PCDH15: variants seen among roughly 807,000 people sequenced by gnomAD.
PCDH15 encodes protocadherin related 15, also known as protocadherin-15.
Under a neutral mutation model 178.5 loss-of-function variants are expected in PCDH15, and 129 were observed. The observed-to-expected ratio is 0.72, with a 90% CI of 0.63 to 0.84. The LOEUF (loss-of-function observed/expected upper bound fraction) is 0.84. PCDH15 is among the 40% of genes least tolerant of loss of function. The pLI is 0.00. For missense variants in PCDH15, 2,230 were observed against 2,099.9 expected (o/e 1.06, Z -1.21); for synonymous variants, 800 against 732.0 (o/e 1.09, Z -1.50).
chr10:54,664,345 G>A, intron 1 of PCDH15, 55 bp from the exon 2 acceptor site: 1 of 1,104,692 alleles, frequency 9.1e-7, no homozygotes, highest in Non-Finnish European at 1.3e-6. Flanking sequence ...ATCTGTTATA[G>A]GTAAACACAA....
intron 3 of PCDH15, among the ~76,000 whole-genome samples, chr10:54,882,053 T>C (rs1250838722): frequency 6.6e-6 from 1 of 152,104 alleles, no homozygotes; most frequent in Non-Finnish European, 1.5e-5. Flanking sequence ...CCTAAGACTG[T>C]TCATTTGATG....
intron 2 of PCDH15, among the ~76,000 whole-genome samples, chr10:55,475,133 C>A (rs947442294): frequency 1.3e-5 from 2 of 151,938 alleles, no homozygotes; most frequent in Non-Finnish European, 2.9e-5. Context: ...GAGGGAGGTA[C>A]CAGGCTCTTT....
chr10:54,227,867 A>G (rs1007115641), intron 9 of PCDH15, among the ~76,000 whole-genome samples: 3 of 152,192 alleles, frequency 2.0e-5, no homozygotes, highest in Non-Finnish European at 2.9e-5. Flanking sequence ...TCTTTTTGCT[A>G]AAACATAACA....
At chr10:53,862,128 A>C (rs142174369) in intron 27 of PCDH15, among the ~76,000 whole-genome samples, 8 of 151,964 alleles carry the variant, frequency 5.3e-5, no homozygotes, top group Non-Finnish European at 8.8e-5. Context: ...CTCAGCTCAC[A>C]GAAACCTCTG....
intron 2 of PCDH15, among the ~76,000 whole-genome samples, chr10:55,166,047 T>C (rs1021172638): frequency 3.9e-5 from 6 of 152,144 alleles, no homozygotes; most frequent in African/African-American, 7.2e-5. Flanking sequence ...TAAAAGCTAT[T>C]TCTTCTGTAA....
intron 2 of PCDH15, among the ~76,000 whole-genome samples, chr10:54,974,639 T>C (rs891524015): frequency 2.6e-5 from 4 of 152,090 alleles, no homozygotes; most frequent in Admixed American, 2.0e-4. Context: ...AATGAAATGA[T>C]TCTTTTGATC....
At chr10:54,759,006 T>C (rs1947524339) in intron 1 of PCDH15, among the ~76,000 whole-genome samples, 1 of 152,148 alleles carries the variant, frequency 6.6e-6, no homozygotes, top group Non-Finnish European at 1.5e-5. Context: ...CTATGGCATG[T>C]GACCTTGGGC....
intron 2 of PCDH15, among the ~76,000 whole-genome samples, chr10:55,143,365 T>C (rs1332444073): frequency 6.6e-6 from 1 of 152,140 alleles, no homozygotes; most frequent in Non-Finnish European, 1.5e-5. Context: ...TTCACAGTTT[T>C]TGAGAAATAG....
intron 2 of PCDH15, among the ~76,000 whole-genome samples, chr10:55,604,436 A>C (rs1236469027): frequency 1.3e-5 from 2 of 151,954 alleles, no homozygotes; most frequent in Non-Finnish European, 2.9e-5. Context: ...TATCAACGGA[A>C]TATACATTTT....
At chr10:54,039,972 G>A (rs1158014266) in intron 18 of PCDH15, among the ~76,000 whole-genome samples, 1 of 151,912 alleles carries the variant, frequency 6.6e-6, no homozygotes, top group Non-Finnish European at 1.5e-5. Flanking sequence ...TCTATGTGAG[G>A]GCAGTGGGTG....
At chr10:54,386,683 T>G (rs1231548895) in intron 3 of PCDH15, among the ~76,000 whole-genome samples, 1 of 152,060 alleles carries the variant, frequency 6.6e-6, no homozygotes, top group Non-Finnish European at 1.5e-5. Context: ...AAAGAAGATA[T>G]ACAAATAATC....
chr10:53,833,354 T>C (rs972727177), intron 29 of PCDH15, among the ~76,000 whole-genome samples: 4 of 152,096 alleles, frequency 2.6e-5, no homozygotes, highest in African/African-American at 4.8e-5. Context: ...CTTATCAATG[T>C]GATGTCATAA....
chr10:54,436,368 T>A (rs1475235115), intron 3 of PCDH15, among the ~76,000 whole-genome samples: 1 of 151,850 alleles, frequency 6.6e-6, no homozygotes, highest in African/African-American at 2.4e-5. Context: ...GACCTTAATA[T>A]GCAATGTGTT....
intron 32 of PCDH15, among the ~76,000 whole-genome samples, chr10:53,826,208 C>T: frequency 6.6e-6 from 1 of 151,754 alleles, no homozygotes. Context: ...AAAGCATGAA[C>T]CCTGTATTAT....
At chr10:55,151,650 C>A (rs1025284432) in intron 2 of PCDH15, among the ~76,000 whole-genome samples, 2 of 152,036 alleles carry the variant, frequency 1.3e-5, no homozygotes, top group Non-Finnish European at 2.9e-5. Flanking sequence ...ATCACAGAGC[C>A]TACTCTATCA....
intron 2 of PCDH15, among the ~76,000 whole-genome samples, chr10:55,387,183 C>A (rs1436934537): frequency 1.3e-5 from 2 of 151,816 alleles, no homozygotes; most frequent in African/African-American, 2.4e-5. Context: ...AAATATGATC[C>A]AAGACCTGGA....
chr10:54,230,300 G>A (rs1255304314), intron 9 of PCDH15, among the ~76,000 whole-genome samples: 2 of 152,070 alleles, frequency 1.3e-5, no homozygotes, highest in African/African-American at 4.8e-5. Context: ...CATGTGCTCA[G>A]CTATAAGTGT....
rs1456445558 is a variant in PCDH15, at chr10:54,370,581, G to A, written c.319-1306C>T. On this transcript the variant is annotated intron_variant, in intron 4 of 37. Coordinates refer to ENST00000644397, the MANE Select transcript of PCDH15 (RefSeq NM_001384140.1). ...ATAACCTACTAACTGTATGATCCAGGAAAAAGTACAAAGTATCTCTATGCT... is the reference window on the plus strand; with the variant it reads ...ATAACCTACTAACTGTATGATCCAGAAAAAAGTACAAAGTATCTCTATGCT... 1.2e-4 allele frequency among the ~76,000 whole-genome samples: 18 copies of A among 151,698 alleles called. No individual in the cohort carries two copies. The Admixed American group carries it at 1.2e-3, about 10-fold the overall frequency.
intron 8 of PCDH15, among the ~76,000 whole-genome samples, chr10:54,243,377 G>C (rs2055601604): frequency 1.3e-5 from 2 of 152,028 alleles, no homozygotes; most frequent in South Asian, 4.2e-4. Flanking sequence ...CATGGTGGCG[G>C]GCGCCTGTAG....
Sources: gnomAD v4.1 joint callset for allele counts (sites outside exome capture counted in the v4.1 genomes callset) on GRCh38, gnomAD v4.1.1 for gene constraint, MANE v1.5 for transcripts, NCBI Gene and HGNC (gene_info 2026-07-23, HGNC 2026-07-21) for gene names.